The following KRTAP4-16 variants were observed in gnomAD, a reference collection of about 807,000 sequenced individuals.
KRTAP4-16 encodes the protein keratin-associated protein 4-16.
For missense variants in KRTAP4-16, 378 were observed against 233.5 expected (o/e 1.62, Z -4.03); for synonymous variants, 140 against 88.8 (o/e 1.58, Z -3.24).
chr17:41,101,504 A>C, exon 1 of KRTAP4-16: 3 of 337,408 alleles, frequency 8.9e-6, no homozygotes, highest in Non-Finnish European at 1.1e-5. Context: ...CAGGAGGTTT[A>C]TTGAAGCATG....
chr17:41,101,674 A>C, exon 1 of KRTAP4-16: 1 of 521,416 alleles, frequency 1.9e-6, no homozygotes, highest in Admixed American at 3.2e-5. Context: ...GGCAAGGGAA[A>C]GGAAGAAAGG....
At chr17:41,101,834 G>A in exon 1 of KRTAP4-16, 1 of 1,595,248 alleles carries the variant, frequency 6.3e-7, no homozygotes, top group Non-Finnish European at 8.5e-7. Flanking sequence ...CAGCAGCAGG[G>A]GCAGCAGCAG....
exon 1 of KRTAP4-16, chr17:41,101,846 T>C (rs2013990760): frequency 1.2e-6 from 2 of 1,601,928 alleles, no homozygotes; most frequent in Non-Finnish European, 1.7e-6. Context: ...CAGCAGCAGC[T>C]CGATTCACAG....
exon 1 of KRTAP4-16, chr17:41,102,189 T>A (rs2014000555): frequency 1.6e-6 from 2 of 1,273,726 alleles, no homozygotes; most frequent in Non-Finnish European, 2.3e-6. Flanking sequence ...TGGGGCTGCA[T>A]GGCATCTTTG....
At chr17:41,102,107 T>G (rs1353517942) in exon 1 of KRTAP4-16, 1 of 1,579,020 alleles carries the variant, frequency 6.3e-7, no homozygotes. Flanking sequence ...GAGGTGGTTC[T>G]GCAGCAGGTG....
chr17:41,102,008 A>G, exon 1 of KRTAP4-16: 1 of 1,592,940 alleles, frequency 6.3e-7, no homozygotes, highest in Non-Finnish European at 8.5e-7. Flanking sequence ...GTCTGACAGC[A>G]GCTGGGGCGG....
At chr17:41,101,608 G>A in exon 1 of KRTAP4-16, 1 of 426,664 alleles carries the variant, frequency 2.3e-6, no homozygotes, top group Non-Finnish European at 4.1e-6. Flanking sequence ...AGGGGAAGGG[G>A]AGGGGATTAA....
exon 1 of KRTAP4-16, chr17:41,101,994 G>A (rs1260411020): frequency 1.9e-6 from 3 of 1,602,090 alleles, no homozygotes; most frequent in Non-Finnish European, 2.6e-6. Context: ...TCCTGCAGCA[G>A]GTGGTCTGAC....
At chr17:41,102,140 A>T in exon 1 of KRTAP4-16, 2 of 1,531,974 alleles carry the variant, frequency 1.3e-6, no homozygotes, top group Non-Finnish European at 1.8e-6. Context: ...CTGGGGTGAC[A>T]GCAGTTGGGT....
exon 1 of KRTAP4-16, chr17:41,101,794 C>T: frequency 6.4e-7 from 1 of 1,561,852 alleles, no homozygotes; most frequent in Non-Finnish European, 8.7e-7. Context: ...AGTGACGTGG[C>T]AGGAGACTCG....
chr17:41,101,965 C>T (rs771363669), exon 1 of KRTAP4-16: 5 of 1,604,444 alleles, frequency 3.1e-6, no homozygotes, highest in Non-Finnish European at 4.3e-6. Context: ...CACACAGCAG[C>T]TGGGGTGGCA....
chr17:41,101,751 G>T, the KRTAP4-16 span: 2 of 1,435,170 alleles, frequency 1.4e-6, no homozygotes, highest in Non-Finnish European at 1.9e-6. Flanking sequence ...AGGGGTGGGG[G>T]CAGGTGGAGA....
chr17:41,101,641 GAAGGGCGGGGAGGGGAGGGGAGGGC>G, the KRTAP4-16 span: 1 of 497,460 alleles, frequency 2.0e-6, no homozygotes, highest in South Asian at 1.9e-5. Flanking sequence ...GAGGGGAGGG[GAAGGGCGGGGAGGGGAGGGGAGGGC>G]AAGGGAAAGG....
rs145674929 is a variant in KRTAP4-16, at chr17:41,102,136, T to A, written c.74A>T (p.His25Leu). Reference sequence around the variant, plus strand: ...GCAGGTGGTCTGACAACAGCTGGGGTGACAGCAGTTGGGTGGGCTGGCAGC... The same window carrying A: ...GCAGGTGGTCTGACAACAGCTGGGGAGACAGCAGTTGGGTGGGCTGGCAGC... The change falls in exon 1 of 1, where the codon CAC becomes CTC. Residue 25 changes from histidine to leucine, a missense_variant. His to Leu is a moderately conservative substitution (Grantham distance 99, BLOSUM62 -3). Coordinates refer to ENST00000440582, the Ensembl canonical transcript of KRTAP4-16. 309 of 1,531,306 alleles carry A rather than the reference T, an allele frequency of 2.0e-4. 6 individuals carry two copies. The East Asian group carries it at 6.1e-3, about 30-fold the overall frequency. The allele number at this position is 1,531,306 out of a possible 1,614,324, so 94.9% of individuals were successfully genotyped here.
At chr17:41,101,970 G>T (rs1567962071) in exon 1 of KRTAP4-16, 5 of 1,604,136 alleles carry the variant, frequency 3.1e-6, no homozygotes, top group Middle Eastern at 1.7e-4. Context: ...AGCAGCTGGG[G>T]TGGCAGCAGG....
the KRTAP4-16 span, chr17:41,101,771 TTGGGTGA>T: frequency 6.6e-7 from 1 of 1,518,184 alleles, no homozygotes; most frequent in African/African-American, 1.4e-5. Flanking sequence ...ATGACACAGG[TTGGGTGA>T]TAGCAAGTGA....
exon 1 of KRTAP4-16, chr17:41,101,631 G>C: frequency 2.0e-6 from 1 of 508,958 alleles, no homozygotes. Context: ...CTGGGGAGAG[G>C]AGGGGAGGGG....
exon 1 of KRTAP4-16, chr17:41,101,621 C>T: frequency 2.4e-6 from 1 of 413,502 alleles, no homozygotes. Flanking sequence ...GGGATTAACA[C>T]TGGGGAGAGG....
At chr17:41,101,584 G>T in exon 1 of KRTAP4-16, 2 of 417,728 alleles carry the variant, frequency 4.8e-6, no homozygotes, top group Non-Finnish European at 8.3e-6. Context: ...GGAAAGTGAA[G>T]GGAGAGAAGG....
Sources: allele counts gnomAD v4.1 joint callset, GRCh38; gene constraint gnomAD v4.1.1; transcripts MANE v1.5; gene names NCBI Gene and HGNC (gene_info 2026-07-23, HGNC 2026-07-21).